The following ISM1 variants were observed in gnomAD, a reference collection of about 807,000 sequenced individuals.
ISM1 encodes isthmin-1.
Under a neutral mutation model 46.3 loss-of-function variants are expected in ISM1, and 25 were observed. That is an observed-to-expected ratio of 0.54 (90% CI 0.39 to 0.75). ISM1 has a LOEUF of 0.75. Ranked by LOEUF, ISM1 falls within the 30% of genes least tolerant of loss-of-function variation. ISM1 has a pLI of 0.00. For synonymous variants in ISM1, 255 were observed against 256.7 expected (o/e 0.99, Z 0.06); for missense variants, 536 against 625.4 (o/e 0.86, Z 1.52).
chr20:13,277,103 C>T (rs1416804325), intron 2 of ISM1, among the ~76,000 whole-genome samples: 1 of 151,528 alleles, frequency 6.6e-6, no homozygotes, highest in Non-Finnish European at 1.5e-5. Flanking sequence ...CCTGGCCAGG[C>T]AACAAGTCTA....
chr20:13,234,057 T>C (rs1405860256), intron 1 of ISM1, among the ~76,000 whole-genome samples: 3 of 152,166 alleles, frequency 2.0e-5, no homozygotes, highest in African/African-American at 7.2e-5. Flanking sequence ...GCTTTTAGTG[T>C]ACTCATCACC....
At chr20:13,325,598 C>A in the ISM1 span, among the ~76,000 whole-genome samples, 1 of 152,192 alleles carries the variant, frequency 6.6e-6, no homozygotes, top group Non-Finnish European at 1.5e-5. Context: ...TAGACAAAAA[C>A]CCTGTGTTCC....
the ISM1 span, among the ~76,000 whole-genome samples, chr20:13,305,798 G>A: frequency 2.8e-3 from 430 of 152,336 alleles, 4 homozygotes; most frequent in African/African-American, 9.6e-3. Flanking sequence ...ATTCTTGGTT[G>A]AATCCCACCA....
intron 5 of ISM1, among the ~76,000 whole-genome samples, chr20:13,293,974 CAAAAAAAAAAGAAAGA>C: frequency 7.1e-6 from 1 of 140,590 alleles, no homozygotes; most frequent in Non-Finnish European, 1.5e-5. Context: ...AACTCCATCT[CAAAAAAAAAAGAAAGA>C]AAAAGAAAAA....
chr20:13,311,333 G>A, the ISM1 span, among the ~76,000 whole-genome samples: 1 of 152,178 alleles, frequency 6.6e-6, no homozygotes, highest in Admixed American at 6.5e-5. Flanking sequence ...TACACTGCTG[G>A]TGGGAATGTA....
chr20:13,239,708 A>G (rs188296055), intron 1 of ISM1: 2 of 152,374 alleles, frequency 1.3e-5, no homozygotes, highest in Non-Finnish European at 2.9e-5. Context: ...CAGGTTGCAG[A>G]CACTCACCAA....
At chr20:13,233,279 G>T (rs2039610034) in intron 1 of ISM1, among the ~76,000 whole-genome samples, 1 of 152,070 alleles carries the variant, frequency 6.6e-6, no homozygotes, top group Non-Finnish European at 1.5e-5. Context: ...TCAAATTTCA[G>T]GGAGTAGGAA....
chr20:13,262,361 C>T (rs1195838540), intron 1 of ISM1, among the ~76,000 whole-genome samples: 1 of 152,158 alleles, frequency 6.6e-6, no homozygotes, highest in Non-Finnish European at 1.5e-5. Flanking sequence ...TGGCCTCACA[C>T]CACAAGGGCT....
chr20:13,222,026 A>C, intron 1 of ISM1, 112 bp downstream of exon 1: 1 of 1,035,012 alleles, frequency 9.7e-7, no homozygotes, highest in Non-Finnish European at 1.3e-6. Context: ...GCCCCACCTA[A>C]GAGCAACTGT....
At chr20:13,320,511 C>A in the ISM1 span, among the ~76,000 whole-genome samples, 3 of 151,922 alleles carry the variant, frequency 2.0e-5, no homozygotes, top group Non-Finnish European at 4.4e-5. Flanking sequence ...TTAGAAAGAC[C>A]CAAATATATA....
At chr20:13,250,418 T>C (rs1404273255) in intron 1 of ISM1, among the ~76,000 whole-genome samples, 1 of 152,180 alleles carries the variant, frequency 6.6e-6, no homozygotes, top group African/African-American at 2.4e-5. Context: ...TGGGGGCATA[T>C]GGAGTTTTAG....
intron 2 of ISM1, among the ~76,000 whole-genome samples, chr20:13,278,003 G>A (rs910945880): frequency 6.6e-6 from 1 of 152,202 alleles, no homozygotes; most frequent in Non-Finnish European, 1.5e-5. Flanking sequence ...ATTTGGCAGA[G>A]CATCTCAGCA....
downstream of ISM1, among the ~76,000 whole-genome samples, chr20:13,305,059 T>C (rs1308292341): frequency 6.6e-6 from 1 of 152,130 alleles, no homozygotes; most frequent in East Asian, 1.9e-4. Flanking sequence ...GATAATAACA[T>C]AGTATTATTT....
chr20:13,273,215 TTTTTATTTTA>T (rs60448833), intron 2 of ISM1, among the ~76,000 whole-genome samples: 63 of 130,704 alleles, frequency 4.8e-4, no homozygotes, highest in Middle Eastern at 3.6e-3. Flanking sequence ...ACTTGGGTCT[TTTTTATTTTA>T]TTTTATTTTA....
intron 2 of ISM1, among the ~76,000 whole-genome samples, chr20:13,273,289 C>T (rs1250465657): frequency 9.7e-6 from 1 of 103,228 alleles, no homozygotes; most frequent in Admixed American, 1.0e-4. Context: ...TGCTACGGTA[C>T]AGTTGTGCAA....
At chr20:13,225,911 T>C (rs901003974) in intron 1 of ISM1, among the ~76,000 whole-genome samples, 5 of 152,262 alleles carry the variant, frequency 3.3e-5, no homozygotes, top group Admixed American at 2.0e-4. Flanking sequence ...ATAAAAGTCA[T>C]CTGGAAGACA....
At chr20:13,253,873 ATATATG>A (rs66486316) in intron 1 of ISM1, among the ~76,000 whole-genome samples, 28,500 of 151,512 alleles carry the variant, frequency 0.19, 2,764 homozygotes, top group East Asian at 0.25. Context: ...ATATATATAT[ATATATG>A]TGTGTGTGTA....
the ISM1 span, among the ~76,000 whole-genome samples, chr20:13,310,431 G>A: frequency 6.6e-6 from 1 of 152,000 alleles, no homozygotes; most frequent in Admixed American, 6.6e-5. Flanking sequence ...AACTCAAAAT[G>A]GATTAAAGAC....
chr20:13,292,470 T>A lies in ISM1; in HGVS notation c.877+7T>A, dbSNP rs2040363845. 6.4e-7 allele frequency: 1 copy of A among 1,557,378 alleles called. No homozygotes were observed. On this transcript the variant is annotated splice_region_variant and intron_variant, in intron 5 of 5. Transcript: ENST00000262487. ...ACCAAACTGTTTGAAGTTGGTAAGA[T>A]TTTTTTCTTTTTTAATCCAAATATT...
Sources: gnomAD v4.1 joint callset for allele counts (sites outside exome capture counted in the v4.1 genomes callset) on GRCh38, gnomAD v4.1.1 for gene constraint, MANE v1.5 for transcripts, NCBI Gene and HGNC (gene_info 2026-07-23, HGNC 2026-07-21) for gene names.